FBN3: variants seen among roughly 807,000 people sequenced by gnomAD.
FBN3 encodes the protein fibrillin-3.
FBN3 carries 234 observed loss-of-function variants against 330.1 expected under a neutral mutation model. The observed-to-expected ratio is 0.71, with a 90% CI of 0.64 to 0.79. FBN3 has a LOEUF of 0.79. FBN3 is among the 30% of genes least tolerant of loss of function. The probability of loss-of-function intolerance (pLI) is 0.00; values close to 1 mark genes in which losing one functional copy is unlikely to be tolerated. For missense variants in FBN3, 3,606 were observed against 3,886.9 expected, an observed-to-expected ratio of 0.93 and a Z score of 1.92; for synonymous variants, 1,458 against 1,517.3, an observed-to-expected ratio of 0.96 and a Z score of 0.91.
intron 32 of FBN3, 103 bp from the exon 33 acceptor site, chr19:8,111,286 G>A: frequency 7.1e-7 from 1 of 1,410,412 alleles, no homozygotes; most frequent in Non-Finnish European, 9.5e-7. Flanking sequence ...GTCAGCCAGA[G>A]TCCCAGGCAA....
Position 8,135,573 on chromosome 19 carries a change from T to TA in FBN3, c.1591+387dup, listed in dbSNP as rs764410119. Among the ~76,000 whole-genome samples the TA allele has an allele frequency of 1.2e-4, 18 of 151,546 alleles. No individual in the cohort carries two copies. The East Asian group carries it at 1.5e-3, about 13-fold the overall frequency. On this transcript the variant is annotated intron_variant, in intron 13 of 63. Transcript: ENST00000600128. ...CTACACTCGGACTTCTTTTTTTTTTTAGGAGATGGAGTCTCGCTCTATCAG... is the reference window on the plus strand; with the variant it reads ...CTACACTCGGACTTCTTTTTTTTTTTAAGGAGATGGAGTCTCGCTCTATCAG...
Position 8,083,246 on chromosome 19 carries a change from C to G in FBN3, c.7213+1G>C. 6.2e-7 allele frequency: 1 copy of G among 1,614,014 alleles called. No individual in the cohort carries two copies. On this transcript the variant is annotated splice_donor_variant, in intron 57 of 63. Transcript: ENST00000600128. LOFTEE classifies it high-confidence loss of function. ...GTGCAGGTGCAGAGGGCTGGGCTCA[C>G]CCAGGCAGGTAGTAGCAGTAGCATC... is the stretch of plus-strand genomic sequence containing the variant.
chr19:8,067,895 T>C (rs1164986777), intron 63 of FBN3, among the ~76,000 whole-genome samples: 1 of 151,652 alleles, frequency 6.6e-6, no homozygotes, highest in Non-Finnish European at 1.5e-5. Flanking sequence ...AAACTCTGTC[T>C]CTACTAAAAA....
intron 8 of FBN3, among the ~76,000 whole-genome samples, chr19:8,140,044 G>A (rs1255209968): frequency 6.6e-6 from 1 of 152,126 alleles, no homozygotes; most frequent in Non-Finnish European, 1.5e-5. Context: ...GACGAGGAGA[G>A]ATCAACAGAC....
intron 3 of FBN3, among the ~76,000 whole-genome samples, chr19:8,146,808 T>C (rs2083556979): frequency 6.6e-6 from 1 of 150,738 alleles, no homozygotes; most frequent in African/African-American, 2.4e-5. Flanking sequence ...CTAAAAATAA[T>C]AATAATAAAG....
In FBN3 at chr19:8,091,566, G is replaced by T. The variant is rs565070326; in HGVS notation, c.5930C>A (p.Pro1977His). Residue 1977 changes from proline (P) to histidine (H), a missense_variant, in exon 48 of 64, where the codon CCC becomes CAC. Coordinates refer to ENST00000600128, the MANE Select transcript of FBN3 (RefSeq NM_032447.5). ...CIDIDECSEE[P>H]NLCLFGTCTN... The stretch of plus-strand genomic sequence containing the variant: ...ACAGGTGCCAAAGAGGCAGAGGTTG[G>T]GCTCCTCTGAGCACTCGTCGATATC... 1.2e-6 allele frequency: 2 copies of T among 1,614,072 alleles called. No individual in the cohort carries two copies. Among genetic ancestry groups the T allele is most frequent in the South Asian group, 2.2e-5 (2 of 91,074 alleles).
At chr19:8,098,943 G>A (rs1023066947) in intron 41 of FBN3, among the ~76,000 whole-genome samples, 1 of 152,122 alleles carries the variant, frequency 6.6e-6, no homozygotes, top group Non-Finnish European at 1.5e-5. Context: ...CCCATCACTG[G>A]GGGACCTGGG....
Position 8,109,271 on chromosome 19 carries a change from C to T in FBN3, c.4574G>A (p.Arg1525Gln), listed in dbSNP as rs368658470. The T allele has an allele frequency of 2.1e-5, 34 of 1,614,072 alleles. No homozygotes were observed. The highest frequency in any genetic ancestry group is 3.3e-5 in the Admixed American group (2 of 59,994). The change falls in exon 36 of 64, where the codon CGG (arginine) becomes CAG (glutamine). Residue 1525 changes from arginine to glutamine, a missense_variant. Physicochemically the swap from Arg to Gln is conservative, Grantham distance 43. Coordinates refer to ENST00000600128, the MANE Select transcript of FBN3 (RefSeq NM_032447.5). This position sits in a 1 kb window ranked among gnomAD's most constrained non-coding sequence, Gnocchi z 5.2. ...CAGCTCACAGGGATTGCCCCAAGCC[C>T]GGCCCAGGGAGCAACAGCAGGAAGC... ...TRASCCCSLG[R>Q]AWGNPCELCP...
Position 8,126,508 on chromosome 19 carries a change from G to A in FBN3, c.2514C>T (p.Leu838=), listed in dbSNP as rs564001593. 2.2e-5 allele frequency: 36 copies of A among 1,613,450 alleles called. No homozygotes were observed. The highest frequency in any genetic ancestry group is 2.8e-5 in the Non-Finnish European group (33 of 1,179,816). Residue 838 remains leucine, a synonymous_variant, in exon 20 of 64, where the codon CTC becomes CTT. Coordinates refer to ENST00000600128, the MANE Select transcript of FBN3 (RefSeq NM_032447.5). ...CGCAGGGGCTCCCCCAGGCTGCCCC[G>A]AGGGTGGCGCAGCACTCAGACCGCA... ...ASLRSECCAT[L]GAAWGSPCER...
chr19:8,071,411 G>A (rs1355872238), intron 63 of FBN3, among the ~76,000 whole-genome samples: 2 of 152,224 alleles, frequency 1.3e-5, no homozygotes, highest in African/African-American at 4.8e-5. Context: ...GGCAGATGCT[G>A]AGTGGGTATG....
In FBN3 at chr19:8,138,643, C is replaced by T. The variant is rs2071276930; in HGVS notation, c.866-79G>A. 3.5e-6 allele frequency: 5 copies of T among 1,441,124 alleles called. No homozygotes were observed. The South Asian group carries it at 6.6e-5, about 19-fold the overall frequency. 89.3% of individuals were successfully genotyped at this position (1,441,124 alleles called of 1,614,324 possible). A position where few individuals can be genotyped will look rare whatever the true frequency, so the allele number is the denominator to read the frequency against. ...TGGATCCAAATTCCAGCTGTAGCAG[C>T]ACTGCCTGTAGGACGGGTCTGTTTG... On this transcript the variant is annotated intron_variant, in intron 8 of 63. Coordinates refer to ENST00000600128, the MANE Select transcript of FBN3 (RefSeq NM_032447.5).
chr19:8,088,216 G>A (rs760114440), intron 51 of FBN3, 37 bp from the exon 52 acceptor site: 1 of 1,554,732 alleles, frequency 6.4e-7, no homozygotes, highest in Non-Finnish European at 8.7e-7. Flanking sequence ...CACCTGCAGA[G>A]GGTCCCCCAT....
At position 8,144,974 on chromosome 19, in the gene FBN3, T is replaced by C. The variant is rs898516605; in HGVS notation, c.446-2A>G. On this transcript the variant is annotated splice_acceptor_variant, in intron 5 of 63. Coordinates refer to ENST00000600128, the MANE Select transcript of FBN3 (RefSeq NM_032447.5). LOFTEE classifies it high-confidence loss of function. ...TGTGGCAGCCGCGGTCACAGATGGC[T>C]GTGGAGGAGAGAGGGTGATGGCTGG... 1 of 1,607,476 alleles carries C rather than the reference T, an allele frequency of 6.2e-7. No individual in the cohort carries two copies. The highest frequency in any genetic ancestry group is 8.5e-7 in the Non-Finnish European group (1 of 1,178,080).
chr19:8,134,958 T>C (rs1442921768), intron 13 of FBN3, among the ~76,000 whole-genome samples: 2 of 148,100 alleles, frequency 1.4e-5, no homozygotes, highest in African/African-American at 2.5e-5. Flanking sequence ...TAAATAAATA[T>C]AAATATATAT....
chr19:8,093,002 A>T (rs1004163172), intron 47 of FBN3, among the ~76,000 whole-genome samples: 14 of 152,084 alleles, frequency 9.2e-5, no homozygotes, highest in East Asian at 5.8e-4. Context: ...AGAAATCACC[A>T]CTGAAGAACT....
At position 8,066,238 on chromosome 19, in the gene FBN3, G is replaced by A. The variant is rs1459927099; in HGVS notation, c.8111C>T (p.Ser2704Phe). The change falls in exon 64 of 64, where the codon TCC (serine) becomes TTC (phenylalanine). Residue 2704 changes from serine to phenylalanine, a missense_variant. Coordinates refer to ENST00000600128, the MANE Select transcript of FBN3 (RefSeq NM_032447.5). ...CAGGCCCAAGGTCAGCAGGGCCTCG[G>A]AGTCAAGGGTGGCCAGGTTCACCTG... is the stretch of plus-strand genomic sequence containing the variant. ...DHQVNLATLD[S>F]EALLTLGLNL... 2.5e-6 allele frequency: 4 copies of A among 1,575,968 alleles called. No individual in the cohort carries two copies. Among genetic ancestry groups the A allele is most frequent in the African/African-American group, 2.7e-5 (2 of 73,570 alleles).
chr19:8,093,885 T>C (rs573256536), intron 47 of FBN3, among the ~76,000 whole-genome samples: 1 of 152,096 alleles, frequency 6.6e-6, no homozygotes, highest in African/African-American at 2.4e-5. Context: ...GATGGAAGCC[T>C]GGATCAGAGG....
intron 13 of FBN3, 25 bp downstream of exon 13, chr19:8,135,936 G>GGGGGGGGGGGGGGGGGGGGGGGGGGGGCC: frequency 3.0e-6 from 2 of 668,776 alleles, no homozygotes; most frequent in Non-Finnish European, 4.8e-6. Context: ...GGAAGCCCCT[G>GGGGGGGGGGGGGGGGGGGGGGGGGGGGCC]CCCACCCGCC....
chr19:8,075,097 T>C lies in FBN3; in HGVS notation c.7676A>G (p.Gln2559Arg). Reference protein sequence around the residue: ...YRCSCPQGFTQHSQWAQCVDE... With the variant: ...YRCSCPQGFTRHSQWAQCVDE... ...CACACACTGGGCCCACTGGGAGTGC[T>C]GGGTGAAACCCTGGGGGCAGCTGCA... Residue 2559 changes from glutamine (Q) to arginine (R), a missense_variant, in exon 61 of 64, where the codon CAG (glutamine) becomes CGG (arginine). Coordinates refer to ENST00000600128, the MANE Select transcript of FBN3 (RefSeq NM_032447.5). 1 of 1,600,082 alleles carries C rather than the reference T, an allele frequency of 6.2e-7. No individual in the cohort carries two copies. The highest frequency in any genetic ancestry group is 1.1e-5 in the South Asian group (1 of 89,154).
Sources: allele counts gnomAD v4.1 joint callset (sites outside exome capture counted in the v4.1 genomes callset), GRCh38; gene constraint gnomAD v4.1.1; non-coding constraint Gnocchi (gnomAD v3.1); transcripts MANE v1.5; gene names NCBI Gene and HGNC (gene_info 2026-07-23, HGNC 2026-07-21).